The following KCNC4 variants were observed in gnomAD, a reference collection of about 807,000 sequenced individuals.
KCNC4 encodes voltage-gated potassium channel KCNC4.
Under a neutral mutation model 42.8 loss-of-function variants are expected in KCNC4, and 23 were observed. That is an observed-to-expected ratio of 0.54 (90% CI 0.39 to 0.76). The LOEUF (loss-of-function observed/expected upper bound fraction) is 0.76. KCNC4 is among the 30% of genes least tolerant of loss of function. The pLI, the probability that KCNC4 is intolerant of heterozygous loss-of-function variation, is 0.00. For missense variants in KCNC4, 751 were observed against 898.2 expected, an observed-to-expected ratio of 0.84 and a Z score of 2.10; for synonymous variants, 422 against 393.5, an observed-to-expected ratio of 1.07 and a Z score of -0.86.
chr1:110,216,835 G>C (rs1009400500), intron 1 of KCNC4, among the ~76,000 whole-genome samples: 1 of 152,132 alleles, frequency 6.6e-6, no homozygotes, highest in Non-Finnish European at 1.5e-5. Context: ...CCCTAGCAGG[G>C]GTCCTTATCT....
intron 1 of KCNC4, among the ~76,000 whole-genome samples, chr1:110,261,216 A>T (rs1659419574): frequency 6.6e-6 from 1 of 152,260 alleles, no homozygotes; most frequent in African/African-American, 2.4e-5. Context: ...TAGTGTTCTT[A>T]GTAATTGCAA....
At chr1:110,278,544 T>C (rs12408548) in intron 1 of KCNC4, among the ~76,000 whole-genome samples, 5,356 of 152,308 alleles carry the variant, frequency 0.035, 220 homozygotes, top group Admixed American at 0.12. Context: ...GTAGATGATT[T>C]CAAAGTTCTC....
At chr1:110,267,114 G>A (rs1377622192) in intron 1 of KCNC4, among the ~76,000 whole-genome samples, 4 of 152,222 alleles carry the variant, frequency 2.6e-5, no homozygotes, top group Non-Finnish European at 4.4e-5. Flanking sequence ...GCTGTGGGAG[G>A]CTCAGCAGTC....
At chr1:110,249,554 G>A (rs1015499501), downstream of KCNC4, among the ~76,000 whole-genome samples, 1 of 152,094 alleles carries the variant, frequency 6.6e-6, no homozygotes, top group Non-Finnish European at 1.5e-5. Flanking sequence ...CCTTGGCCTG[G>A]ACAGAACACT....
At chr1:110,256,414 C>G (rs1659332382) in intron 1 of KCNC4, among the ~76,000 whole-genome samples, 1 of 152,146 alleles carries the variant, frequency 6.6e-6, no homozygotes, top group East Asian at 1.9e-4. Context: ...AACTGAGGCC[C>G]CGAAAGAACA....
chr1:110,249,325 G>T (rs1381996892), downstream of KCNC4, among the ~76,000 whole-genome samples: 1 of 152,104 alleles, frequency 6.6e-6, no homozygotes, highest in Non-Finnish European at 1.5e-5. Flanking sequence ...TTACCCTCCT[G>T]CCCATCTCCA....
exon 4 of KCNC4, chr1:110,246,359 A>G (rs1659145268): frequency 6.6e-6 from 1 of 152,180 alleles, no homozygotes; most frequent in African/African-American, 2.4e-5. Flanking sequence ...CATGAGTCAG[A>G]CTTCATCCCC....
At chr1:110,225,488 GA>G (rs1304559510) in intron 2 of KCNC4, 1 of 154,026 alleles carries the variant, frequency 6.5e-6, no homozygotes, top group Non-Finnish European at 1.4e-5. Flanking sequence ...GATGCCTAGT[GA>G]ACAAGAATTA....
intron 1 of KCNC4, 141 bp downstream of exon 1, chr1:110,212,318 C>G (rs375867898): frequency 1.7e-5 from 15 of 907,552 alleles, no homozygotes; most frequent in Middle Eastern, 3.1e-4. Context: ...TCTCAACCCC[C>G]CTCCGTGGCT....
chr1:110,233,229 GC>G lies in KCNC4; in HGVS notation c.*258del, dbSNP rs1366929752. The G allele has an allele frequency of 8.6e-6, 5 of 579,296 alleles. No homozygotes were observed. The highest frequency in any genetic ancestry group is 7.5e-5 in the African/African-American group (4 of 53,456). 35.9% of individuals were successfully genotyped at this position (579,296 alleles called of 1,614,324 possible). A position where few individuals can be genotyped will look rare whatever the true frequency, so the allele number is the denominator to read the frequency against. ...TACATATTATACTCTTGTGTGTAGT[GC>G]ACGTGCTATTGGTGGTTTGTCTTCT... On this transcript the variant is annotated 3_prime_UTR_variant, in exon 4 of 4. Transcript: ENST00000438661.
chr1:110,214,939 G>C (rs561040941), intron 1 of KCNC4, among the ~76,000 whole-genome samples: 1 of 152,206 alleles, frequency 6.6e-6, no homozygotes, highest in East Asian at 1.9e-4. Context: ...TTTGCCCCTG[G>C]CTTGTCACAC....
intron 1 of KCNC4, among the ~76,000 whole-genome samples, chr1:110,254,733 G>A (rs781671749): frequency 4.6e-5 from 7 of 152,196 alleles, no homozygotes; most frequent in African/African-American, 7.2e-5. Context: ...ACCTTATACT[G>A]AGCTCCCTCA....
At chr1:110,271,961 T>C (rs892165205) in intron 1 of KCNC4, among the ~76,000 whole-genome samples, 1 of 152,140 alleles carries the variant, frequency 6.6e-6, no homozygotes, top group African/African-American at 2.4e-5. Flanking sequence ...TCCTCTAAAT[T>C]GTCCACACCA....
At chr1:110,256,294 T>A (rs534350066) in intron 1 of KCNC4, among the ~76,000 whole-genome samples, 1 of 152,198 alleles carries the variant, frequency 6.6e-6, no homozygotes, top group East Asian at 1.9e-4. Flanking sequence ...CTATTAAGGG[T>A]GGAACCAGAA....
chr1:110,278,576 C>T (rs1659766130), intron 1 of KCNC4, among the ~76,000 whole-genome samples: 1 of 152,166 alleles, frequency 6.6e-6, no homozygotes, highest in South Asian at 2.1e-4. Context: ...AGAATATCTT[C>T]CCTTTGGTGT....
At chr1:110,284,073 T>C (rs903423002), downstream of KCNC4, among the ~76,000 whole-genome samples, 2 of 152,224 alleles carry the variant, frequency 1.3e-5, no homozygotes, top group Non-Finnish European at 2.9e-5. Context: ...AAGTGTTATA[T>C]CTTGATCATG....
intron 1 of KCNC4, among the ~76,000 whole-genome samples, chr1:110,218,125 T>TC (rs1303462859): frequency 2.6e-5 from 4 of 152,178 alleles, no homozygotes; most frequent in Non-Finnish European, 4.4e-5. Flanking sequence ...TGGGCTCTCC[T>TC]CCCCTGCCCC....
intron 1 of KCNC4, among the ~76,000 whole-genome samples, chr1:110,254,517 A>G (rs1393141777): frequency 6.6e-6 from 1 of 152,214 alleles, no homozygotes; most frequent in East Asian, 1.9e-4. Context: ...GTTGGAGTTA[A>G]AGACTGGGGC....
In KCNC4 at chr1:110,211,770, G is replaced by A. The variant is rs1657472967; in HGVS notation, c.271G>A (p.Gly91Ser). The change falls in exon 1 of 4, where the codon GGC becomes AGC. Residue 91 changes from glycine (G) to serine (S), a missense_variant. By Grantham distance (56) the Gly-to-Ser change is moderately conservative. This residue lies in a region of KCNC4 where 183 missense variants were observed against 255.8 expected (regional missense o/e 0.72). Transcript: ENST00000438661. The surrounding 1 kb of genome is among the most constrained non-coding windows in gnomAD (Gnocchi z 6.5). The part of the protein sequence containing the change: ...VGSSGSSGGG[G>S]CEFFFDRHPG... ...TAGCAGCGGCAGCAGCGGCGGCGGG[G>A]GCTGCGAGTTCTTCTTCGACAGGCA... 1 of 1,610,308 alleles carries A rather than the reference G, an allele frequency of 6.2e-7. No homozygotes were observed. The highest frequency in any genetic ancestry group is 2.2e-5 in the East Asian group (1 of 44,838).
Sources: gnomAD v4.1 joint callset for allele counts (sites outside exome capture counted in the v4.1 genomes callset) on GRCh38, gnomAD v4.1.1 for gene constraint, gnomAD v4.1.1 regional missense constraint, Gnocchi (gnomAD v3.1) non-coding constraint, MANE v1.5 for transcripts, NCBI Gene and HGNC (gene_info 2026-07-23, HGNC 2026-07-21) for gene names.